KSR2: variants seen among roughly 807,000 people sequenced by gnomAD.
KSR2 encodes kinase suppressor of ras 2.
A neutral mutation model predicts 107.8 loss-of-function variants in KSR2; 25 were observed. The ratio of observed to expected loss-of-function variants is 0.23; its 90% CI spans 0.17 to 0.32. KSR2 has a LOEUF of 0.32. KSR2 is among the 10% of genes least tolerant of loss of function. The pLI is 1.00. For missense variants in KSR2, 887 were observed against 1,268.9 expected (o/e 0.70, Z 4.57); for synonymous variants, 480 against 507.0 (o/e 0.95, Z 0.71).
chr12:117,835,176 G>A (rs941519609), intron 3 of KSR2, among the ~76,000 whole-genome samples: 11 of 152,166 alleles, frequency 7.2e-5, no homozygotes, highest in African/African-American at 1.2e-4. Flanking sequence ...AGCCAGAACC[G>A]AAGCATCCTG....
At chr12:117,507,795 T>C (rs1873790507) in intron 14 of KSR2, among the ~76,000 whole-genome samples, 1 of 152,200 alleles carries the variant, frequency 6.6e-6, no homozygotes, top group African/African-American at 2.4e-5. Context: ...TGATAAATTG[T>C]TATGAGTTGG....
At chr12:117,717,820 G>A (rs1335265011) in intron 4 of KSR2, among the ~76,000 whole-genome samples, 3 of 152,136 alleles carry the variant, frequency 2.0e-5, no homozygotes, top group Non-Finnish European at 1.5e-5. Flanking sequence ...TGACTCACAA[G>A]GGGCCAATCT....
At chr12:117,518,151 G>A (rs993429180) in intron 14 of KSR2, among the ~76,000 whole-genome samples, 2 of 152,114 alleles carry the variant, frequency 1.3e-5, no homozygotes, top group Non-Finnish European at 2.9e-5. Context: ...TTTCATGCAC[G>A]CGGGCAACAG....
chr12:117,592,300 G>A (rs1217682047), intron 5 of KSR2, among the ~76,000 whole-genome samples: 1 of 151,970 alleles, frequency 6.6e-6, no homozygotes, highest in African/African-American at 2.4e-5. Context: ...TTTTAGTAGA[G>A]ATGGGGTTTC....
At chr12:117,926,008 C>G (rs1895505585) in intron 1 of KSR2, among the ~76,000 whole-genome samples, 1 of 152,020 alleles carries the variant, frequency 6.6e-6, no homozygotes, top group South Asian at 2.1e-4. Flanking sequence ...ACCAGCCTGG[C>G]CAACATGGTG....
intron 4 of KSR2, among the ~76,000 whole-genome samples, chr12:117,704,208 G>A (rs1886433648): frequency 6.6e-6 from 1 of 152,104 alleles, no homozygotes. Context: ...CGTATCAACA[G>A]TCTTTAGTTA....
chr12:117,651,741 T>C (rs1883914483), intron 5 of KSR2, among the ~76,000 whole-genome samples: 1 of 152,212 alleles, frequency 6.6e-6, no homozygotes, highest in South Asian at 2.1e-4. Flanking sequence ...TTAGTCACTT[T>C]AGACCTACTC....
chr12:117,537,242 A>G (rs1238043901), intron 10 of KSR2, among the ~76,000 whole-genome samples: 2 of 152,124 alleles, frequency 1.3e-5, no homozygotes, highest in Non-Finnish European at 2.9e-5. Flanking sequence ...AAAAACTTTA[A>G]CAGAAAATGC....
rs141032867 is a variant in KSR2 at position 117,481,299 on chromosome 12, C to T, written c.2450+3117G>A. On this transcript the variant is annotated intron_variant, in intron 16 of 19. Coordinates refer to ENST00000339824, the MANE Select transcript of KSR2 (RefSeq NM_173598.6). ...CTCCCCCAAATTTAGTATGTTGAAC[C>T]CCTAACCCCCAATTTGATTGTATTT... is the stretch of plus-strand genomic sequence containing the variant. Among the ~76,000 whole-genome samples the T allele has an allele frequency of 3.3e-3, 504 of 152,124 alleles. 6 individuals carry two copies. The highest frequency in any genetic ancestry group is 0.017 in the Middle Eastern group (5 of 294).
Position 117,794,404 on chromosome 12 carries a change from T to G in KSR2, c.473-32880A>C, listed in dbSNP as rs1324372653. Among the ~76,000 whole-genome samples, 6 of 65,222 alleles carry G rather than the reference T, an allele frequency of 9.2e-5. 1 individual carries two copies. Among genetic ancestry groups the G allele is most frequent in the Non-Finnish European group, 1.4e-4 (5 of 37,010 alleles). The allele number at this position is 65,222 out of a possible 152,430, so 42.8% of individuals were successfully genotyped here. On this transcript the variant is annotated intron_variant, in intron 3 of 19. Transcript: ENST00000339824. ...ACCAACATGCACACTCACACCAACA[T>G]GCACACACATGCACATACAACATGC...
chr12:117,739,619 A>T (rs1888096246), intron 4 of KSR2, among the ~76,000 whole-genome samples: 1 of 152,208 alleles, frequency 6.6e-6, no homozygotes, highest in African/African-American at 2.4e-5. Context: ...CATTCAACAA[A>T]CATATATACA....
intron 14 of KSR2, among the ~76,000 whole-genome samples, chr12:117,495,092 T>C (rs549881845): frequency 2.3e-4 from 35 of 152,328 alleles, no homozygotes; most frequent in Admixed American, 1.3e-3. Context: ...CCCAAGGCAG[T>C]TGGTTTCAAA....
At position 117,664,629 on chromosome 12, in the gene KSR2, T is replaced by C. The variant is rs141402657; in HGVS notation, c.1171+2845A>G. On this transcript the variant is annotated intron_variant, in intron 5 of 19. Transcript: ENST00000339824. ...CATCAAAAGATTTGCCTAGGAAAAC[T>C]CAGTGGCTAGACCTCAGAGTCACTG... 4.8e-3 allele frequency among the ~76,000 whole-genome samples: 732 copies of C among 152,028 alleles called. 5 individuals carry two copies. Among genetic ancestry groups the C allele is most frequent in the Non-Finnish European group, 7.6e-3 (516 of 67,966 alleles).
intron 5 of KSR2, among the ~76,000 whole-genome samples, chr12:117,634,756 T>C (rs1565936892): frequency 6.6e-6 from 1 of 152,136 alleles, no homozygotes; most frequent in Non-Finnish European, 1.5e-5. Context: ...TCAACCAGGG[T>C]TACTTCCGAG....
rs75215406 is a variant in KSR2, at chr12:117,732,947, C to A, written c.986+28064G>T. 7.2e-5 allele frequency among the ~76,000 whole-genome samples: 11 copies of A among 152,298 alleles called. No individual in the cohort carries two copies. The East Asian group carries it at 2.1e-3, about 29-fold the overall frequency. The stretch of plus-strand genomic sequence containing the variant: ...CAGGGCTCCCTCCTCTGCCATCAGC[C>A]GCCAGGAGCAGATGGCAGTGCCTCC... On this transcript the variant is annotated intron_variant, in intron 4 of 19. Coordinates refer to ENST00000339824, the MANE Select transcript of KSR2 (RefSeq NM_173598.6).
At chr12:117,710,997 C>A (rs531723780) in intron 4 of KSR2, among the ~76,000 whole-genome samples, 48 of 152,292 alleles carry the variant, frequency 3.2e-4, no homozygotes, top group African/African-American at 1.1e-3. Context: ...TCAAATGTCA[C>A]CTAATCAGAG....
At chr12:117,523,229 G>A (rs1874879511) in intron 14 of KSR2, among the ~76,000 whole-genome samples, 1 of 152,280 alleles carries the variant, frequency 6.6e-6, no homozygotes, top group South Asian at 2.1e-4. Flanking sequence ...GTCTCACAAG[G>A]GAAGAGATCA....
intron 3 of KSR2, among the ~76,000 whole-genome samples, chr12:117,800,456 G>A (rs1890793845): frequency 6.6e-6 from 1 of 152,204 alleles, no homozygotes; most frequent in Non-Finnish European, 1.5e-5. Context: ...AAGCCTTGGG[G>A]AGCTGGAGAA....
intron 14 of KSR2, among the ~76,000 whole-genome samples, chr12:117,488,328 C>A (rs1483334542): frequency 6.6e-6 from 1 of 152,208 alleles, no homozygotes; most frequent in African/African-American, 2.4e-5. Context: ...GATATGAATT[C>A]TCATATTCAC....
Sources: gnomAD v4.1 joint callset for allele counts (sites outside exome capture counted in the v4.1 genomes callset) on GRCh38, gnomAD v4.1.1 for gene constraint, MANE v1.5 for transcripts, NCBI Gene and HGNC (gene_info 2026-07-23, HGNC 2026-07-21) for gene names.